Variants in SH2D4A observed in about 807,000 individuals in gnomAD.
SH2D4A encodes SH2 domain-containing protein 4A.
Under a neutral mutation model 64.7 loss-of-function variants are expected in SH2D4A, and 70 were observed. The ratio of observed to expected loss-of-function variants is 1.08; its 90% confidence interval spans 0.89 to 1.32. The LOEUF (loss-of-function observed/expected upper bound fraction) is 1.32. SH2D4A is among the 40% of genes most tolerant of loss of function. SH2D4A has a pLI of 0.00. For synonymous variants in SH2D4A, 268 were observed against 200.7 expected, an observed-to-expected ratio of 1.34 and a Z score of -2.83; for missense variants, 706 against 540.1, an observed-to-expected ratio of 1.31 and a Z score of -3.04.
At chr8:19,381,868 G>A (rs758734759) in intron 8 of SH2D4A, among the ~76,000 whole-genome samples, 6 of 151,736 alleles carry the variant, frequency 4.0e-5, no homozygotes, top group South Asian at 2.1e-4. Context: ...GCATGTTGTC[G>A]GATGCTTTTT....
intron 7 of SH2D4A, among the ~76,000 whole-genome samples, chr8:19,370,576 T>G (rs535566197): frequency 6.6e-6 from 1 of 152,212 alleles, no homozygotes; most frequent in South Asian, 2.1e-4. Flanking sequence ...TGGTTTCCAT[T>G]TGCATACAAT....
rs1037505270 is a variant in SH2D4A at position 19,324,829 on chromosome 8, C to T, written c.181+5101C>T. On this transcript the variant is annotated intron_variant, in intron 2 of 9. Transcript: ENST00000265807. ...ATAATCTCACAATGTTCATAGACTC[C>T]CTGAAGCTCATTCATAGACTCTCAG... 3.3e-5 allele frequency among the ~76,000 whole-genome samples: 5 copies of T among 152,032 alleles called. No individual in the cohort carries two copies. The East Asian group carries it at 9.6e-4, about 29-fold the overall frequency.
chr8:19,356,564 T>TGATGC lies in SH2D4A; in HGVS notation c.514-638_514-634dup, dbSNP rs1488015680. 4.6e-5 allele frequency among the ~76,000 whole-genome samples: 7 copies of TGATGC among 152,290 alleles called. No homozygotes were observed. In the East Asian group the frequency reaches 1.4e-3, roughly 29 times the overall value. ...CCATTGTGATTTGCTGGCATACTTGTGATGCCAGAGGGTTGGCCTGCGGCA... is the reference window on the plus strand; with the variant it reads ...CCATTGTGATTTGCTGGCATACTTGTGATGCGATGCCAGAGGGTTGGCCTGCGGCA... On this transcript the variant is annotated intron_variant, in intron 4 of 9. Coordinates refer to ENST00000265807, the MANE Select transcript of SH2D4A (RefSeq NM_022071.4).
chr8:19,369,866 GTTC>G (rs146567250), intron 7 of SH2D4A, among the ~76,000 whole-genome samples: 2,615 of 151,994 alleles, frequency 0.017, 71 homozygotes, highest in African/African-American at 0.06. Flanking sequence ...GTTGCATCAA[GTTC>G]TTGTTTTTCT....
intron 7 of SH2D4A, among the ~76,000 whole-genome samples, chr8:19,368,341 A>G (rs188855703): frequency 1.5e-3 from 230 of 152,258 alleles, no homozygotes; most frequent in African/African-American, 5.4e-3. Flanking sequence ...GGCAATTCGT[A>G]GTAGTCTTTT....
At chr8:19,323,149 A>G (rs1478277401) in intron 2 of SH2D4A, among the ~76,000 whole-genome samples, 15 of 152,064 alleles carry the variant, frequency 9.9e-5, no homozygotes, top group Non-Finnish European at 4.4e-5. Context: ...CTAGAGGTCT[A>G]CAGCCGCACC....
At chr8:19,342,683 G>A (rs2052547477) in intron 4 of SH2D4A, among the ~76,000 whole-genome samples, 1 of 152,130 alleles carries the variant, frequency 6.6e-6, no homozygotes, top group African/African-American at 2.4e-5. Context: ...ACCTTATTCA[G>A]GTCCCTCTTA....
chr8:19,375,643 G>T (rs2053181754), intron 8 of SH2D4A: 1 of 152,140 alleles, frequency 6.6e-6, no homozygotes, highest in Admixed American at 6.6e-5. Context: ...GAGGGTTAGG[G>T]AAGCAGAGAA....
At chr8:19,369,912 T>TAGAA (rs2053065821) in intron 7 of SH2D4A, among the ~76,000 whole-genome samples, 2 of 152,102 alleles carry the variant, frequency 1.3e-5, no homozygotes, top group Non-Finnish European at 2.9e-5. Flanking sequence ...AATTACTTAT[T>TAGAA]TGATATCTTT....
chr8:19,335,196 G>A (rs2052427029), intron 4 of SH2D4A, among the ~76,000 whole-genome samples: 1 of 152,024 alleles, frequency 6.6e-6, no homozygotes, highest in Admixed American at 6.6e-5. Context: ...GCTGAGGCAG[G>A]AGAACGGCGT....
At chr8:19,355,231 A>G (rs745718200) in intron 4 of SH2D4A, among the ~76,000 whole-genome samples, 1 of 152,104 alleles carries the variant, frequency 6.6e-6, no homozygotes, top group Non-Finnish European at 1.5e-5. Flanking sequence ...CGGTGCCCCA[A>G]AGATCTTATA....
chr8:19,361,075 G>T, intron 5 of SH2D4A, 128 bp from the exon 6 acceptor site: 1 of 537,468 alleles, frequency 1.9e-6, no homozygotes, highest in South Asian at 2.2e-5. Flanking sequence ...TTCCTAGTGG[G>T]CCAGAGAGTT....
rs139693810 is a variant in SH2D4A at position 19,394,593 on chromosome 8, C to T, written c.1316C>T (p.Pro439Leu). 3 of 1,608,212 alleles carry T rather than the reference C, an allele frequency of 1.9e-6. No individual in the cohort carries two copies. In the African/African-American group the frequency reaches 4.0e-5, roughly 22 times the overall value. ...TSLGKELLLY[P>L]CGQQDQLPDY... ...CTGGGGAAGGAGCTCCTTCTCTATC[C>T]CTGTGGTCAGCAGGACCAGCTGCCT... is the stretch of plus-strand genomic sequence containing the variant. Residue 439 changes from proline (P) to leucine (L), a missense_variant, in exon 10 of 10, where the codon CCC (proline) becomes CTC (leucine). By Grantham distance (98) the Pro-to-Leu change is moderately conservative. Transcript: ENST00000265807.
At chr8:19,365,009 C>T (rs182621986) in intron 7 of SH2D4A, among the ~76,000 whole-genome samples, 1 of 152,034 alleles carries the variant, frequency 6.6e-6, no homozygotes, top group Non-Finnish European at 1.5e-5. Context: ...TTTTTAACAT[C>T]CTAGTATTTA....
At chr8:19,328,733 C>T (rs1409950110) in intron 2 of SH2D4A, among the ~76,000 whole-genome samples, 1 of 152,212 alleles carries the variant, frequency 6.6e-6, no homozygotes, top group African/African-American at 2.4e-5. Context: ...GTGCATTCTT[C>T]ATTGGCCACT....
At chr8:19,326,781 G>A (rs1483597934) in intron 2 of SH2D4A, among the ~76,000 whole-genome samples, 1 of 152,162 alleles carries the variant, frequency 6.6e-6, no homozygotes, top group Non-Finnish European at 1.5e-5. Context: ...GAGACCAAGA[G>A]CTGACTCCTC....
intron 2 of SH2D4A, among the ~76,000 whole-genome samples, chr8:19,324,353 C>T (rs554083800): frequency 2.6e-5 from 4 of 152,294 alleles, no homozygotes; most frequent in East Asian, 3.9e-4. Context: ...TTTTTTGCTG[C>T]GTTCTCATTG....
intron 4 of SH2D4A, among the ~76,000 whole-genome samples, chr8:19,340,149 C>G (rs536601663): frequency 3.3e-5 from 5 of 152,158 alleles, no homozygotes; most frequent in South Asian, 2.1e-4. Context: ...GTGGCAAAGG[C>G]TCCATAGCTG....
chr8:19,314,227 G>A, intron 1 of SH2D4A: 1 of 445,810 alleles, frequency 2.2e-6, no homozygotes, highest in Non-Finnish European at 3.1e-6. Flanking sequence ...GGGGAGTGCA[G>A]GCCCCGGGAG....
Sources: gnomAD v4.1 joint callset for allele counts (sites outside exome capture counted in the v4.1 genomes callset) on GRCh38, gnomAD v4.1.1 for gene constraint, MANE v1.5 for transcripts, NCBI Gene and HGNC (gene_info 2026-07-23, HGNC 2026-07-21) for gene names.